ATAD2B: variants seen among roughly 807,000 people sequenced by gnomAD.
ATAD2B encodes ATPase family AAA domain containing 2B, also known as ATPase family AAA domain-containing protein 2B.
A neutral mutation model predicts 167.6 loss-of-function variants in ATAD2B; 40 were observed. That is an observed-to-expected ratio of 0.24 (90% CI 0.19 to 0.31). The LOEUF is 0.31. Among genes scored for constraint, ATAD2B ranks in the 10% least tolerant of loss-of-function variants. The pLI is 1.00. For synonymous variants in ATAD2B, 579 were observed against 596.5 expected, an observed-to-expected ratio of 0.97 and a Z score of 0.43; for missense variants, 1,242 against 1,757.2, an observed-to-expected ratio of 0.71 and a Z score of 5.24.
chr2:23,899,278 T>C (rs1213437039), intron 1 of ATAD2B, among the ~76,000 whole-genome samples: 1 of 120,982 alleles, frequency 8.3e-6, no homozygotes, highest in African/African-American at 3.2e-5. Context: ...ACGCCAAGCC[T>C]GGGCGAAAGA....
chr2:23,802,834 T>A (rs2149484044), intron 18 of ATAD2B, among the ~76,000 whole-genome samples: 1 of 152,166 alleles, frequency 6.6e-6, no homozygotes, highest in South Asian at 2.1e-4. Context: ...CAAAAAGAAT[T>A]TCCCCTGTGA....
Position 23,785,745 on chromosome 2 carries a change from G to C in ATAD2B, c.2973+282C>G, listed in dbSNP as rs556949998. The C allele has an allele frequency of 1.5e-3, 412 of 276,022 alleles. 2 individuals carry two copies. Among genetic ancestry groups the C allele is most frequent in the Middle Eastern group, 5.4e-3 (5 of 930 alleles). The allele number at this position is 276,022 out of a possible 1,614,324, so 17.1% of individuals were successfully genotyped here. A position where few individuals can be genotyped will look rare whatever the true frequency, so the allele number is the denominator to read the frequency against. ...CCTGGAATAAAAATAATCTAGTATG[G>C]ATATTTGACTAAGGCAACCTTTAAT... is the stretch of plus-strand genomic sequence containing the variant. On this transcript the variant is annotated intron_variant, in intron 21 of 27. Coordinates refer to ENST00000238789, the MANE Select transcript of ATAD2B (RefSeq NM_017552.4).
intron 14 of ATAD2B, 88 bp downstream of exon 14, chr2:23,833,831 G>A: frequency 1.8e-6 from 2 of 1,100,660 alleles, no homozygotes; most frequent in Non-Finnish European, 2.5e-6. Context: ...TCTGAACAAT[G>A]AAAATTCATA....
At chr2:23,874,041 G>T (rs549021938) in intron 8 of ATAD2B, among the ~76,000 whole-genome samples, 1 of 152,214 alleles carries the variant, frequency 6.6e-6, no homozygotes, top group African/African-American at 2.4e-5. Flanking sequence ...ACAAAAATTA[G>T]CCTGGCATGG....
rs557440337 is a variant in ATAD2B, at chr2:23,826,677, C to A, written c.1819+2172G>T. 2.0e-5 allele frequency among the ~76,000 whole-genome samples: 3 copies of A among 152,216 alleles called. No homozygotes were observed. In the East Asian group the frequency reaches 5.8e-4, roughly 29 times the overall value. ...CAGCATCACACATAATGAAGGCCCA[C>A]AAGATAAGTCACTTCATTGAGACTC... On this transcript the variant is annotated intron_variant, in intron 15 of 27. Transcript: ENST00000238789.
At chr2:23,823,945 G>T (rs1271094149) in intron 15 of ATAD2B, among the ~76,000 whole-genome samples, 2 of 150,396 alleles carry the variant, frequency 1.3e-5, no homozygotes, top group African/African-American at 2.4e-5. Context: ...AAGAGACAGG[G>T]TCTCAAAAAA....
chr2:23,778,868 T>A lies in ATAD2B; in HGVS notation c.3133+4001A>T, dbSNP rs1026436848. Among the ~76,000 whole-genome samples the A allele has an allele frequency of 1.2e-4, 18 of 152,312 alleles. No individual in the cohort carries two copies. In the East Asian group the frequency reaches 3.5e-3, roughly 29 times the overall value. On this transcript the variant is annotated intron_variant, in intron 22 of 27. Coordinates refer to ENST00000238789, the MANE Select transcript of ATAD2B (RefSeq NM_017552.4). The stretch of plus-strand genomic sequence containing the variant: ...AGCCTAGGTCTGAATCCAAAGCCCA[T>A]ATTCTCATTACATATTACACAATAA...
At chr2:23,711,216 C>A in the ATAD2B span, among the ~76,000 whole-genome samples, 1 of 151,648 alleles carries the variant, frequency 6.6e-6, no homozygotes, top group Admixed American at 6.6e-5. Flanking sequence ...CATGGAATTG[C>A]AGGCAATTTT....
chr2:23,738,742 G>C, the ATAD2B span, among the ~76,000 whole-genome samples: 4 of 152,258 alleles, frequency 2.6e-5, no homozygotes, highest in South Asian at 8.3e-4. Context: ...CCAATTAAAA[G>C]ACACAGACTG....
At chr2:23,681,647 T>C in the ATAD2B span, among the ~76,000 whole-genome samples, 1 of 152,140 alleles carries the variant, frequency 6.6e-6, no homozygotes, top group South Asian at 2.1e-4. The surrounding 1 kb of genome is among the most constrained non-coding windows in gnomAD (Gnocchi z 4.2). Context: ...CCTTCTGTGC[T>C]AGAGGAAACA....
the ATAD2B span, chr2:23,695,570 G>A: frequency 1.6e-6 from 2 of 1,263,026 alleles, no homozygotes; most frequent in East Asian, 5.1e-5. This position sits in a 1 kb window ranked among gnomAD's most constrained non-coding sequence, Gnocchi z 7.6. Context: ...TTCCGTCCGG[G>A]AGGTGGCTCT....
the ATAD2B span, among the ~76,000 whole-genome samples, chr2:23,698,848 A>ATAAC: frequency 1.3e-5 from 2 of 152,198 alleles, no homozygotes; most frequent in African/African-American, 4.8e-5. Context: ...GCCACCTGGA[A>ATAAC]TAACAAGCTC....
chr2:23,883,739 A>G lies in ATAD2B; in HGVS notation c.784+1026T>C, dbSNP rs369575563. 1.5e-4 allele frequency: 74 copies of G among 484,096 alleles called. No homozygotes were observed. In the East Asian group the frequency reaches 2.6e-3, roughly 17 times the overall value. The allele number at this position is 484,096 out of a possible 1,614,324, so 30.0% of individuals were successfully genotyped here. ...TAACTACAGAATTTTTAAAAAACAT[A>G]GTCTTCTCAATCTAAACTACACAAA... is the stretch of plus-strand genomic sequence containing the variant. On this transcript the variant is annotated intron_variant, in intron 6 of 27. Transcript: ENST00000238789.
the ATAD2B span, among the ~76,000 whole-genome samples, chr2:23,742,667 C>A: frequency 6.6e-6 from 1 of 151,698 alleles, no homozygotes; most frequent in Non-Finnish European, 1.5e-5. Context: ...AAGAAACCTG[C>A]ATGTTGTGCA....
chr2:23,774,471 C>A (rs1325114086), intron 22 of ATAD2B, among the ~76,000 whole-genome samples: 4 of 152,118 alleles, frequency 2.6e-5, no homozygotes, highest in Admixed American at 2.0e-4. Context: ...AAACAAAAAA[C>A]AGAAAAACAT....
intron 17 of ATAD2B, among the ~76,000 whole-genome samples, chr2:23,814,258 T>A (rs966076760): frequency 6.6e-6 from 1 of 152,224 alleles, no homozygotes; most frequent in African/African-American, 2.4e-5. Context: ...GGAAACTTTT[T>A]AAAATGTTTA....
chr2:23,754,167 C>G lies in ATAD2B; in HGVS notation c.4335+12G>C, dbSNP rs1675684023. 6.7e-7 allele frequency: 1 copy of G among 1,498,534 alleles called. No individual in the cohort carries two copies. The highest frequency in any genetic ancestry group is 8.9e-7 in the Non-Finnish European group (1 of 1,126,762). 92.8% of individuals were successfully genotyped at this position (1,498,534 alleles called of 1,614,324 possible). A position where few individuals can be genotyped will look rare whatever the true frequency, so the allele number is the denominator to read the frequency against. ...AGTATTTGTTTATTCTACAGATAAA[C>G]TAAACACTTACCTCTACAAGTTGTG... On this transcript the variant is annotated intron_variant, in intron 27 of 27. Coordinates refer to ENST00000238789, the MANE Select transcript of ATAD2B (RefSeq NM_017552.4).
intron 13 of ATAD2B, among the ~76,000 whole-genome samples, chr2:23,841,641 G>A (rs1048843395): frequency 6.6e-6 from 1 of 151,826 alleles, no homozygotes; most frequent in Non-Finnish European, 1.5e-5. Flanking sequence ...TCAGCCTCCC[G>A]AGTAGGTGGG....
chr2:23,809,598 CCTCT>C (rs927540765), intron 18 of ATAD2B, among the ~76,000 whole-genome samples: 13 of 152,066 alleles, frequency 8.5e-5, no homozygotes, highest in East Asian at 7.7e-4. Context: ...AAGTGGCATT[CCTCT>C]CTCTAACTTA....
Sources: allele counts gnomAD v4.1 joint callset (sites outside exome capture counted in the v4.1 genomes callset), GRCh38; gene constraint gnomAD v4.1.1; non-coding constraint Gnocchi (gnomAD v3.1); transcripts MANE v1.5; gene names NCBI Gene and HGNC (gene_info 2026-07-23, HGNC 2026-07-21).